FNIP1: variants seen among roughly 807,000 people sequenced by gnomAD.
The protein encoded by FNIP1 is folliculin-interacting protein 1.
A neutral mutation model predicts 124.5 loss-of-function variants in FNIP1; 40 were observed. The ratio of observed to expected loss-of-function variants is 0.32; its 90% CI spans 0.25 to 0.42. FNIP1 has a LOEUF of 0.42. FNIP1 is among the 10% of genes least tolerant of loss of function. The pLI, the probability that FNIP1 is intolerant of heterozygous loss-of-function variation, is 1.00. For synonymous variants in FNIP1, 472 were observed against 470.6 expected, an observed-to-expected ratio of 1.00 and a Z score of -0.04; for missense variants, 1,176 against 1,403.7, an observed-to-expected ratio of 0.84 and a Z score of 2.59.
At chr5:131,751,846 G>C (rs1186997529) in intron 1 of FNIP1, among the ~76,000 whole-genome samples, 1 of 152,102 alleles carries the variant, frequency 6.6e-6, no homozygotes, top group African/African-American at 2.4e-5. Flanking sequence ...TTTCTTTCTG[G>C]GGAGATGAAA....
In FNIP1 at chr5:131,784,939, A is replaced by G. The variant is rs933700722; in HGVS notation, c.92+11891T>C. Among the ~76,000 whole-genome samples, 20 of 147,604 alleles carry G rather than the reference A, an allele frequency of 1.4e-4. No homozygotes were observed. The East Asian group carries it at 2.5e-3, about 19-fold the overall frequency. ...AGGACTGGGTTTGAGGCACGGTGGG[A>G]CAGGGAACTACTATCATAAGTAAAT... On this transcript the variant is annotated intron_variant, in intron 1 of 17. Coordinates refer to ENST00000510461, the MANE Select transcript of FNIP1 (RefSeq NM_133372.3).
chr5:131,771,935 C>T (rs1408443747), intron 1 of FNIP1, among the ~76,000 whole-genome samples: 1 of 152,132 alleles, frequency 6.6e-6, no homozygotes, highest in African/African-American at 2.4e-5. Flanking sequence ...TTATCTCATA[C>T]CATGAGACGG....
At chr5:131,741,375 C>T (rs1294848180) in intron 2 of FNIP1, among the ~76,000 whole-genome samples, 2 of 152,130 alleles carry the variant, frequency 1.3e-5, no homozygotes, top group African/African-American at 2.4e-5. Context: ...ACTATTTGAG[C>T]ATGCAAAGTA....
In FNIP1 at chr5:131,790,478, C is replaced by CAAAAAAAAA. The variant is rs56699008; in HGVS notation, c.92+6343_92+6351dup. Among the ~76,000 whole-genome samples the CAAAAAAAAA allele has an allele frequency of 5.7e-5, 4 of 70,586 alleles. No individual in the cohort carries two copies. In the South Asian group the frequency reaches 3.3e-3, roughly 58 times the overall value. 46.3% of individuals were successfully genotyped at this position (70,586 alleles called of 152,430 possible). On this transcript the variant is annotated intron_variant, in intron 1 of 17. Transcript: ENST00000510461. ...TGGGCGATAGAGCAAGAACCTGTCT[C>CAAAAAAAAA]AAAAAAAAAAAAAAAAAAAAAAAAG...
At chr5:131,715,442 C>T (rs946733608) in intron 6 of FNIP1, among the ~76,000 whole-genome samples, 2 of 152,140 alleles carry the variant, frequency 1.3e-5, no homozygotes, top group East Asian at 1.9e-4. Flanking sequence ...GCTAAGATCA[C>T]GCCACTGCAC....
At chr5:131,756,260 T>C (rs867396267) in intron 1 of FNIP1, among the ~76,000 whole-genome samples, 1 of 152,044 alleles carries the variant, frequency 6.6e-6, no homozygotes, top group Non-Finnish European at 1.5e-5. Context: ...CAGTGAGGAA[T>C]AGTGTGACCA....
intron 1 of FNIP1, among the ~76,000 whole-genome samples, chr5:131,764,024 G>C (rs1244308667): frequency 2.0e-5 from 3 of 152,052 alleles, no homozygotes; most frequent in Non-Finnish European, 2.9e-5. Flanking sequence ...CTTTGATGCT[G>C]TCCTTGCGTG....
intron 8 of FNIP1, among the ~76,000 whole-genome samples, chr5:131,707,943 A>T (rs974887463): frequency 6.6e-6 from 1 of 152,168 alleles, no homozygotes; most frequent in Non-Finnish European, 1.5e-5. Flanking sequence ...AAGACTAAAT[A>T]TCTAGATTAC....
chr5:131,746,325 A>G (rs1306369144), intron 1 of FNIP1, among the ~76,000 whole-genome samples: 1 of 152,162 alleles, frequency 6.6e-6, no homozygotes, highest in Non-Finnish European at 1.5e-5. Context: ...AGTTACATGC[A>G]TATATCTCAT....
chr5:131,671,985 T>C lies in FNIP1; in HGVS notation c.2459A>G (p.Glu820Gly), dbSNP rs1767768160. 6.2e-7 allele frequency: 1 copy of C among 1,614,078 alleles called. No homozygotes were observed. Among genetic ancestry groups the C allele is most frequent in the Non-Finnish European group, 8.5e-7 (1 of 1,180,024 alleles). ...GTCTGAATGATTCCAACAGGGAAGT[T>C]CACAGGGCTCTTCAGAAACCATGTT... ...TQNMVSEEPCELPCWNHSDPE... is the reference protein window; with the variant it reads ...TQNMVSEEPCGLPCWNHSDPE... The change falls in exon 14 of 18, where the codon GAA (glutamate) becomes GGA (glycine). Residue 820 changes from glutamate to glycine, a missense_variant. Glu to Gly is a moderately conservative substitution (Grantham distance 98). Transcript: ENST00000510461.
intron 1 of FNIP1, among the ~76,000 whole-genome samples, chr5:131,750,244 C>T (rs141500096): frequency 3.9e-5 from 6 of 152,074 alleles, no homozygotes; most frequent in African/African-American, 7.2e-5. Flanking sequence ...AGTTAGGGAA[C>T]GTAGTGATGG....
At chr5:131,754,390 A>G (rs1239195139) in intron 1 of FNIP1, among the ~76,000 whole-genome samples, 2 of 152,258 alleles carry the variant, frequency 1.3e-5, no homozygotes, top group Non-Finnish European at 2.9e-5. Context: ...GAAAAATCAT[A>G]AACGACATAC....
At chr5:131,793,384 A>C (rs1580845690) in intron 1 of FNIP1, among the ~76,000 whole-genome samples, 1 of 152,172 alleles carries the variant, frequency 6.6e-6, no homozygotes, top group East Asian at 1.9e-4. Flanking sequence ...TATACTTTTT[A>C]CTTCCACTGG....
chr5:131,691,267 T>G (rs903386397), intron 11 of FNIP1, among the ~76,000 whole-genome samples: 3 of 152,192 alleles, frequency 2.0e-5, no homozygotes, highest in Admixed American at 6.5e-5. Context: ...AAAGAAGACA[T>G]CTTGAAAGAA....
At chr5:131,652,440 C>T (rs1041268398) in intron 15 of FNIP1, among the ~76,000 whole-genome samples, 6 of 152,150 alleles carry the variant, frequency 3.9e-5, no homozygotes, top group Admixed American at 1.3e-4. Context: ...CTGCAACCTC[C>T]GCCTCCCAGG....
At chr5:131,678,702 G>A (rs1417473559) in intron 12 of FNIP1, among the ~76,000 whole-genome samples, 1 of 152,094 alleles carries the variant, frequency 6.6e-6, no homozygotes, top group Admixed American at 6.5e-5. Context: ...GAGCCATCAC[G>A]CCTGGCCATC....
intron 1 of FNIP1, 65 bp downstream of exon 1, chr5:131,796,765 A>G (rs1170038077): frequency 3.4e-6 from 5 of 1,455,134 alleles, no homozygotes; most frequent in Non-Finnish European, 4.7e-6. Context: ...GAAGGCCCCA[A>G]CACCCCTGGA....
intron 1 of FNIP1, among the ~76,000 whole-genome samples, chr5:131,772,590 C>G (rs943280562): frequency 6.6e-6 from 1 of 152,134 alleles, no homozygotes; most frequent in Non-Finnish European, 1.5e-5. Flanking sequence ...ACCATGCCTA[C>G]TCTTCCCTCC....
At chr5:131,654,658 T>C (rs1435232237) in intron 15 of FNIP1, among the ~76,000 whole-genome samples, 1 of 152,208 alleles carries the variant, frequency 6.6e-6, no homozygotes, top group Admixed American at 6.5e-5. Context: ...TCGTGGGATC[T>C]GTGTGATAGG....
Sources: allele counts gnomAD v4.1 joint callset (sites outside exome capture counted in the v4.1 genomes callset), GRCh38; gene constraint gnomAD v4.1.1; transcripts MANE v1.5; gene names NCBI Gene and HGNC (gene_info 2026-07-23, HGNC 2026-07-21).